Variants in COL5A2 observed in about 807,000 individuals in gnomAD.
The protein encoded by COL5A2 is collagen type V alpha 2 chain, also known as collagen alpha-2(V) chain.
A neutral mutation model predicts 208.2 loss-of-function variants in COL5A2; 23 were observed. The ratio of observed to expected loss-of-function variants is 0.11; its 90% confidence interval spans 0.08 to 0.16. The LOEUF is 0.16. COL5A2 is among the 10% of genes least tolerant of loss of function. COL5A2 has a pLI of 1.00. For missense variants in COL5A2, 1,590 were observed against 1,956.4 expected, an observed-to-expected ratio of 0.81 and a Z score of 3.53; for synonymous variants, 625 against 628.5, an observed-to-expected ratio of 0.99 and a Z score of 0.08.
At chr2:189,183,316 T>C (rs1156507867), upstream of COL5A2, among the ~76,000 whole-genome samples, 8 of 152,196 alleles carry the variant, frequency 5.3e-5, no homozygotes, top group South Asian at 4.1e-4. Context: ...CTAGTCAAAC[T>C]TCCTTTTCTA....
chr2:189,413,444 A>G, the COL5A2 span, among the ~76,000 whole-genome samples: 4 of 152,200 alleles, frequency 2.6e-5, no homozygotes, highest in Non-Finnish European at 5.9e-5. Flanking sequence ...TTAAATAAGT[A>G]TTAAAAAGGA....
Position 189,057,642 on chromosome 2 carries a change from T to A in COL5A2, c.2230-215A>T, listed in dbSNP as rs189742180. Among the ~76,000 whole-genome samples, 155 of 152,326 alleles carry A rather than the reference T, an allele frequency of 1.0e-3. 2 individuals are homozygous for A. The highest frequency in any genetic ancestry group is 3.6e-3 in the African/African-American group (151 of 41,568). On this transcript the variant is annotated intron_variant, in intron 33 of 53. Transcript: ENST00000374866. ...TTGATTGCTGCTTTATATTTTTAAC[T>A]TTTCTCTTAAGAGGCAATTGAACGC...
chr2:189,163,226 G>C (rs1688403661), intron 1 of COL5A2, among the ~76,000 whole-genome samples: 1 of 151,974 alleles, frequency 6.6e-6, no homozygotes, highest in South Asian at 2.1e-4. Flanking sequence ...GAATGAAATA[G>C]CAGTTTGGTA....
chr2:189,416,747 ATC>A, the COL5A2 span, among the ~76,000 whole-genome samples: 7 of 152,312 alleles, frequency 4.6e-5, no homozygotes, highest in East Asian at 1.2e-3. Flanking sequence ...CTTTTATAGT[ATC>A]TGTTATATTT....
the COL5A2 span, among the ~76,000 whole-genome samples, chr2:189,395,566 C>A: frequency 6.6e-6 from 1 of 152,086 alleles, no homozygotes; most frequent in East Asian, 1.9e-4. Flanking sequence ...GTTTACATTT[C>A]TAAGTACAAT....
chr2:189,167,938 A>C, intron 1 of COL5A2, among the ~76,000 whole-genome samples: 3 of 110,606 alleles, frequency 2.7e-5, no homozygotes, highest in South Asian at 3.3e-4. Context: ...CCCAGTACAA[A>C]CTCCTATTTT....
In COL5A2 at chr2:189,064,652, C is replaced by A. The variant is rs768348357; in HGVS notation, c.1621G>T (p.Ala541Ser). ...GSDGLPGPKG[A>S]QGERGPVGSS... ...CCTACAGGACCCCGTTCTCCTTGAG[C>A]ACCCTGTACCGAGGCAAAGCAGATG... Residue 541 changes from alanine (A) to serine (S), a missense_variant, in exon 25 of 54, where the codon GCT (alanine) becomes TCT (serine). Coordinates refer to ENST00000374866, the MANE Select transcript of COL5A2 (RefSeq NM_000393.5). The A allele has an allele frequency of 5.1e-5, 82 of 1,610,208 alleles. No individual in the cohort carries two copies. Among genetic ancestry groups the A allele is most frequent in the Non-Finnish European group, 6.6e-5 (78 of 1,176,694 alleles).
chr2:189,302,659 G>A, the COL5A2 span, among the ~76,000 whole-genome samples: 2 of 152,126 alleles, frequency 1.3e-5, no homozygotes, highest in Non-Finnish European at 2.9e-5. Context: ...TTCCAGAAAT[G>A]AACAAATGCA....
chr2:189,123,969 C>T (rs952510632), intron 1 of COL5A2, among the ~76,000 whole-genome samples: 1 of 151,936 alleles, frequency 6.6e-6, no homozygotes, highest in African/African-American at 2.4e-5. Context: ...TTTACATGTA[C>T]AAAAGTCTTA....
At chr2:189,345,339 G>T in the COL5A2 span, among the ~76,000 whole-genome samples, 2 of 152,172 alleles carry the variant, frequency 1.3e-5, no homozygotes, top group African/African-American at 4.8e-5. Flanking sequence ...TGGACATAAA[G>T]ATCTGGAGTT....
At chr2:189,118,952 A>C (rs756839416) in intron 1 of COL5A2, among the ~76,000 whole-genome samples, 11 of 147,288 alleles carry the variant, frequency 7.5e-5, no homozygotes, top group Non-Finnish European at 1.5e-4. Context: ...TAAAAAAAAA[A>C]CTGTAATTGT....
the COL5A2 span, among the ~76,000 whole-genome samples, chr2:189,297,077 C>T: frequency 1.3e-5 from 2 of 152,180 alleles, no homozygotes; most frequent in African/African-American, 4.8e-5. Flanking sequence ...ACGTTGATCT[C>T]AACCATGGTG....
At chr2:189,064,827 C>G (rs531313778) in intron 24 of COL5A2, among the ~76,000 whole-genome samples, 172 bp from the exon 25 acceptor site, 41 of 152,266 alleles carry the variant, frequency 2.7e-4, no homozygotes, top group South Asian at 6.2e-4. Context: ...ATCCTTCCCC[C>G]CTATGCCTCT....
chr2:189,272,744 A>T, the COL5A2 span, among the ~76,000 whole-genome samples: 68 of 152,252 alleles, frequency 4.5e-4, 1 homozygote, highest in African/African-American at 1.5e-3. Context: ...ATTATACTCA[A>T]GTTTTTTAGA....
chr2:189,408,031 A>C, the COL5A2 span, among the ~76,000 whole-genome samples: 3 of 152,158 alleles, frequency 2.0e-5, no homozygotes, highest in Non-Finnish European at 4.4e-5. Flanking sequence ...GTTCAAACCA[A>C]GATTGAGTTG....
At chr2:189,321,247 A>C in the COL5A2 span, among the ~76,000 whole-genome samples, 1 of 152,224 alleles carries the variant, frequency 6.6e-6, no homozygotes, top group East Asian at 1.9e-4. Context: ...GCTAGGAGGA[A>C]ACTGCATCAA....
At chr2:189,317,312 T>C in the COL5A2 span, among the ~76,000 whole-genome samples, 6 of 152,244 alleles carry the variant, frequency 3.9e-5, no homozygotes, top group Admixed American at 3.3e-4. Flanking sequence ...ATTTCCTCTA[T>C]ATAAATTATA....
At chr2:189,118,639 T>C (rs181417094) in intron 1 of COL5A2, among the ~76,000 whole-genome samples, 121 of 152,272 alleles carry the variant, frequency 7.9e-4, no homozygotes, top group Non-Finnish European at 1.5e-3. Flanking sequence ...AAATTTCTAA[T>C]AGGAATTTAA....
intron 1 of COL5A2, among the ~76,000 whole-genome samples, chr2:189,123,527 A>T (rs998120343): frequency 5.3e-5 from 8 of 152,082 alleles, no homozygotes; most frequent in Non-Finnish European, 5.9e-5. Context: ...AGATACAGAG[A>T]CTCAGACACT....
Sources: gnomAD v4.1 joint callset for allele counts (sites outside exome capture counted in the v4.1 genomes callset) on GRCh38, gnomAD v4.1.1 for gene constraint, MANE v1.5 for transcripts, NCBI Gene and HGNC (gene_info 2026-07-23, HGNC 2026-07-21) for gene names.